The following SLC25A33 variants were observed in gnomAD, a reference collection of about 807,000 sequenced individuals.
SLC25A33 encodes the protein solute carrier family 25 member 33, also known as bone marrow stromal cell mitochondrial carrier protein.
A neutral mutation model predicts 35.5 loss-of-function variants in SLC25A33; 15 were observed. That is an observed-to-expected ratio of 0.42 (90% confidence interval 0.28 to 0.65). SLC25A33 has a LOEUF of 0.65. Among genes scored for constraint, SLC25A33 ranks in the 30% least tolerant of loss-of-function variants. The pLI is 0.20. For synonymous variants in SLC25A33, 136 were observed against 148.7 expected (o/e 0.91, Z 0.62); for missense variants, 257 against 398.5 (o/e 0.64, Z 3.02).
At chr1:9,556,940 A>C (rs1388022228) in intron 2 of SLC25A33, among the ~76,000 whole-genome samples, 1 of 152,170 alleles carries the variant, frequency 6.6e-6, no homozygotes, top group African/African-American at 2.4e-5. Flanking sequence ...TTAATTAATT[A>C]ATTTTGGGTT....
rs201935959 is a variant in SLC25A33, at chr1:9,543,010, G to T, written c.56+3263G>T. On this transcript the variant is annotated intron_variant, in intron 1 of 6. Coordinates refer to ENST00000302692, the MANE Select transcript of SLC25A33 (RefSeq NM_032315.3). ...TTTTTGTATTTTTAGTAGAGATGGG[G>T]TTTTGCCACGTTGGCTAGGCTGGTC... Among the ~76,000 whole-genome samples, 4 of 152,188 alleles carry T rather than the reference G, an allele frequency of 2.6e-5. No individual in the cohort carries two copies. In the East Asian group the frequency reaches 7.7e-4, roughly 29 times the overall value.
At chr1:9,580,622 CT>C (rs1219125951) in intron 6 of SLC25A33, among the ~76,000 whole-genome samples, 1 of 152,122 alleles carries the variant, frequency 6.6e-6, no homozygotes, top group Non-Finnish European at 1.5e-5. Context: ...CTTTGGGAGG[CT>C]GAGGCGGGCG....
intron 5 of SLC25A33, chr1:9,576,369 A>C (rs1033445128): frequency 2.2e-5 from 8 of 356,556 alleles, no homozygotes; most frequent in Non-Finnish European, 4.4e-5. Context: ...CAGAGGCAGC[A>C]GCACCCAACT....
intron 4 of SLC25A33, among the ~76,000 whole-genome samples, chr1:9,572,033 C>A (rs894598346): frequency 6.6e-6 from 1 of 152,126 alleles, no homozygotes; most frequent in Non-Finnish European, 1.5e-5. Context: ...TTTTGTCTGC[C>A]GTTGTTACTC....
intron 1 of SLC25A33, among the ~76,000 whole-genome samples, chr1:9,543,896 A>G (rs530156104): frequency 2.0e-5 from 3 of 152,164 alleles, no homozygotes; most frequent in Non-Finnish European, 4.4e-5. Context: ...ACCTGAGGTC[A>G]GGAGTTCGAG....
chr1:9,578,571 G>A lies in SLC25A33; in HGVS notation c.483-1383G>A, dbSNP rs1423340387. On this transcript the variant is annotated intron_variant, in intron 5 of 6. Transcript: ENST00000302692. The surrounding 1 kb of genome is among the most constrained non-coding windows in gnomAD (Gnocchi z 4.3). ...GCAATAATAGAATCTATTTGGAGAC[G>A]AGTGTGATCAGAAATCTAATAAGTA... 5.9e-5 allele frequency among the ~76,000 whole-genome samples: 9 copies of A among 152,196 alleles called. No individual in the cohort carries two copies. The highest frequency in any genetic ancestry group is 2.1e-4 in the South Asian group (1 of 4,832).
At chr1:9,577,464 G>A (rs1643676971) in intron 5 of SLC25A33, among the ~76,000 whole-genome samples, 1 of 152,116 alleles carries the variant, frequency 6.6e-6, no homozygotes, top group Non-Finnish European at 1.5e-5. Flanking sequence ...GACAGAGTGA[G>A]TAAGACTCCA....
intron 2 of SLC25A33, among the ~76,000 whole-genome samples, chr1:9,560,144 C>T (rs890525980): frequency 6.6e-6 from 1 of 151,424 alleles, no homozygotes; most frequent in Non-Finnish European, 1.5e-5. Flanking sequence ...CCCAGCTTCT[C>T]GGGAGGGTGA....
Position 9,539,654 on chromosome 1 carries a change from G to T in SLC25A33, c.-38G>T, listed in dbSNP as rs1246392656. 75 of 1,331,982 alleles carry T rather than the reference G, an allele frequency of 5.6e-5. No individual in the cohort carries two copies. Among genetic ancestry groups the T allele is most frequent in the Non-Finnish European group, 6.9e-5 (72 of 1,043,808 alleles). 82.5% of individuals were successfully genotyped at this position (1,331,982 alleles called of 1,614,324 possible). A position where few individuals can be genotyped will look rare whatever the true frequency, so the allele number is the denominator to read the frequency against. ...ATCCCTCGAGCCGCCACGCGCTCTC[G>T]CCACCGGGCGGCGACGGGCCGCGGA... On this transcript the variant is annotated 5_prime_UTR_variant, in exon 1 of 7. Transcript: ENST00000302692.
In SLC25A33 at chr1:9,539,560, C is replaced by A; in HGVS notation, c.-132C>A. On this transcript the variant is annotated 5_prime_UTR_variant, in exon 1 of 7. Transcript: ENST00000302692. ...GAGCAGAGCCGGGCGTTGGAGCCCG[C>A]GCGCGCATGGAGGCGTTGCCGGCAG... 1.7e-6 allele frequency: 1 copy of A among 587,828 alleles called. No individual in the cohort carries two copies. Among genetic ancestry groups the A allele is most frequent in the Non-Finnish European group, 2.4e-6 (1 of 419,300 alleles). 36.4% of individuals were successfully genotyped at this position (587,828 alleles called of 1,614,324 possible). A position where few individuals can be genotyped will look rare whatever the true frequency, so the allele number is the denominator to read the frequency against.
intron 2 of SLC25A33, among the ~76,000 whole-genome samples, chr1:9,563,159 C>T (rs548231286): frequency 3.3e-5 from 5 of 152,110 alleles, no homozygotes; most frequent in African/African-American, 7.2e-5. Context: ...CTCCTGACCT[C>T]GTGATCCGCC....
Position 9,581,602 on chromosome 1 carries a change from G to A in SLC25A33, c.764-697G>A, listed in dbSNP as rs1349425766. Among the ~76,000 whole-genome samples the A allele has an allele frequency of 2.0e-5, 3 of 152,102 alleles. No homozygotes were observed. The South Asian group carries it at 6.2e-4, about 32-fold the overall frequency. ...AAATTAGCTGGGTGTGGTGGCAGGT[G>A]CCTGTAATCCCAGCTACTCAGGAGG... On this transcript the variant is annotated intron_variant, in intron 6 of 6. Transcript: ENST00000302692.
chr1:9,546,202 T>G (rs1052581839), intron 1 of SLC25A33, among the ~76,000 whole-genome samples: 11 of 118,258 alleles, frequency 9.3e-5, no homozygotes, highest in Non-Finnish European at 1.5e-4. Flanking sequence ...TTTTTTTTTT[T>G]GAAACGGAGT....
intron 1 of SLC25A33, among the ~76,000 whole-genome samples, chr1:9,550,439 T>C (rs1643249967): frequency 6.6e-6 from 1 of 152,128 alleles, no homozygotes; most frequent in Non-Finnish European, 1.5e-5. Flanking sequence ...CTTACTGGCT[T>C]TCTGATGAAA....
Position 9,539,525 on chromosome 1 carries a change from G to A in SLC25A33, c.-167G>A, listed in dbSNP as rs895573434. On this transcript the variant is annotated 5_prime_UTR_variant, in exon 1 of 7. Coordinates refer to ENST00000302692, the MANE Select transcript of SLC25A33 (RefSeq NM_032315.3). ...AGGCGCCGGCGGCCACGCCGCGGAA[G>A]GCGCGGGCCGAGCAGAGCCGGGCGT... 8.9e-6 allele frequency: 3 copies of A among 335,474 alleles called. No individual in the cohort carries two copies. The highest frequency in any genetic ancestry group is 6.6e-5 in the African/African-American group (3 of 45,204). 20.8% of individuals were successfully genotyped at this position (335,474 alleles called of 1,614,324 possible).
chr1:9,561,553 A>T (rs1345477408), intron 2 of SLC25A33, among the ~76,000 whole-genome samples: 2 of 152,170 alleles, frequency 1.3e-5, no homozygotes, highest in Non-Finnish European at 2.9e-5. Flanking sequence ...AAAGTTTTGT[A>T]AACATCAAGC....
intron 2 of SLC25A33, among the ~76,000 whole-genome samples, chr1:9,561,613 T>C (rs928584951): frequency 6.6e-6 from 1 of 152,128 alleles, no homozygotes; most frequent in African/African-American, 2.4e-5. Flanking sequence ...TGCCAACTGT[T>C]ATTATGTGTA....
rs773760020 is a variant in SLC25A33 at position 9,570,367 on chromosome 1, C to T, written c.415+9C>T. ...CTCAGCTGGCTCTGCAGGTATGTTACCCTAGTGAGTGAAGAGAGGGTCTCT... is the reference window on the plus strand; with the variant it reads ...CTCAGCTGGCTCTGCAGGTATGTTATCCTAGTGAGTGAAGAGAGGGTCTCT... On this transcript the variant is annotated intron_variant, in intron 4 of 6. Transcript: ENST00000302692. 2.5e-6 allele frequency: 4 copies of T among 1,607,988 alleles called. No individual in the cohort carries two copies. The highest frequency in any genetic ancestry group is 2.6e-6 in the Non-Finnish European group (3 of 1,175,066).
chr1:9,567,726 C>T (rs114935495), intron 3 of SLC25A33, among the ~76,000 whole-genome samples: 1,727 of 152,310 alleles, frequency 0.011, 32 homozygotes, highest in African/African-American at 0.039. Context: ...TCAGAATCTG[C>T]ATTTTAACAG....
Sources: allele counts gnomAD v4.1 joint callset (sites outside exome capture counted in the v4.1 genomes callset), GRCh38; gene constraint gnomAD v4.1.1; non-coding constraint Gnocchi (gnomAD v3.1); transcripts MANE v1.5; gene names NCBI Gene and HGNC (gene_info 2026-07-23, HGNC 2026-07-21).